EPRS1: variants seen among roughly 807,000 people sequenced by gnomAD.
EPRS1 encodes the protein bifunctional glutamate/proline--tRNA ligase.
Under a neutral mutation model 188.3 loss-of-function variants are expected in EPRS1, and 107 were observed. That is an observed-to-expected ratio of 0.57 (90% CI 0.49 to 0.67). The LOEUF (loss-of-function observed/expected upper bound fraction) is 0.67. EPRS1 is among the 30% of genes least tolerant of loss of function. The pLI is 0.00. For missense variants in EPRS1, 1,577 were observed against 1,802.2 expected (o/e 0.88, Z 2.26); for synonymous variants, 596 against 593.1 (o/e 1.00, Z -0.07).
chr1:220,029,961 C>T (rs948599424), intron 6 of EPRS1, among the ~76,000 whole-genome samples: 1 of 152,136 alleles, frequency 6.6e-6, no homozygotes, highest in Admixed American at 6.6e-5. Context: ...TTTCAGGACT[C>T]CCCTTCACTT....
At position 220,006,216 on chromosome 1, in the gene EPRS1, T is replaced by C. The variant is rs961016872; in HGVS notation, c.1840A>G (p.Thr614Ala). ...ATTACTGGAATAGGAAGAGCATGTGTAGTCTCTGCAAGCCAAGTGACCTTA... is the reference window on the plus strand; with the variant it reads ...ATTACTGGAATAGGAAGAGCATGTGCAGTCTCTGCAAGCCAAGTGACCTTA... The part of the protein sequence containing the change: ...TTKVTWLAET[T>A]HALPIPVICV... The change falls in exon 15 of 32, where the codon ACA becomes GCA. Residue 614 changes from threonine to alanine, a missense_variant. Thr to Ala is a moderately conservative substitution (Grantham distance 58). Around this residue, in one of 3 missense-constraint regions of EPRS1, gnomAD observed 1,278 missense variants for 1,457.4 expected, o/e 0.88. Transcript: ENST00000366923. 3.1e-6 allele frequency: 5 copies of C among 1,606,106 alleles called. No individual in the cohort carries two copies. The African/African-American group carries it at 5.3e-5, about 17-fold the overall frequency.
At position 220,032,518 on chromosome 1, in the gene EPRS1, C is replaced by T. The variant is rs374210879; in HGVS notation, c.397G>A (p.Ala133Thr). 3.1e-6 allele frequency: 5 copies of T among 1,612,672 alleles called. No homozygotes were observed. Among genetic ancestry groups the T allele is most frequent in the African/African-American group, 1.3e-5 (1 of 74,904 alleles). The change falls in exon 5 of 32, where the codon GCC becomes ACC. Residue 133 changes from alanine (A) to threonine (T), a missense_variant. By Grantham distance (58) the Ala-to-Thr change is moderately conservative (BLOSUM62 0). This residue lies in a region of EPRS1 where 1,278 missense variants were observed against 1,457.4 expected (regional missense o/e 0.88). Transcript: ENST00000366923. ...CVWATLKGNA[A>T]WQEQLKQKKA... is the part of the protein sequence containing the mutation. ...TTCTGTTTCAACTGTTCTTGCCAGG[C>T]AGCATTTCCTATGAGCAAAGATAAT...
At chr1:220,028,997 G>A (rs1347695851) in intron 6 of EPRS1, among the ~76,000 whole-genome samples, 1 of 152,042 alleles carries the variant, frequency 6.6e-6, no homozygotes, top group Non-Finnish European at 1.5e-5. Context: ...ATATTATACT[G>A]TAAATATACA....
intron 16 of EPRS1, 110 bp downstream of exon 16, chr1:220,005,138 G>C (rs1661433949): frequency 2.3e-6 from 1 of 431,374 alleles, no homozygotes; most frequent in Non-Finnish European, 4.1e-6. Flanking sequence ...GAGAGACTGA[G>C]AAAGAAAACT....
At chr1:220,038,827 G>A (rs1463678643) in intron 2 of EPRS1, among the ~76,000 whole-genome samples, 1 of 152,112 alleles carries the variant, frequency 6.6e-6, no homozygotes, top group Non-Finnish European at 1.5e-5. Context: ...AGCGGCACAG[G>A]AACAAAGACT....
At chr1:219,984,662 A>G (rs1311843391) in intron 20 of EPRS1, among the ~76,000 whole-genome samples, 2 of 152,090 alleles carry the variant, frequency 1.3e-5, no homozygotes, top group East Asian at 1.9e-4. Context: ...GCCTCATGCA[A>G]TCCTCCTGTT....
rs184079381 is a variant in EPRS1 at position 220,020,770 on chromosome 1, A to C, written c.1116-549T>G. 3.1e-4 allele frequency among the ~76,000 whole-genome samples: 45 copies of C among 147,084 alleles called. No homozygotes were observed. The East Asian group carries it at 8.7e-3, about 29-fold the overall frequency. On this transcript the variant is annotated intron_variant, in intron 9 of 31. Transcript: ENST00000366923. Reference sequence around the variant, plus strand: ...ACATTTAAGATGAAATAGTCTAAAAAACAGTTTCTGACTAAGATAATGTAT... The same window carrying C: ...ACATTTAAGATGAAATAGTCTAAAACACAGTTTCTGACTAAGATAATGTAT...
At chr1:219,982,539 A>G (rs958977419) in intron 23 of EPRS1, 7 of 348,386 alleles carry the variant, frequency 2.0e-5, no homozygotes, top group Non-Finnish European at 2.6e-5. Flanking sequence ...CAGCATAAAA[A>G]TGAGTATTTA....
chr1:219,986,783 A>ATGTATGTG (rs113133677), intron 20 of EPRS1, among the ~76,000 whole-genome samples: 2 of 150,156 alleles, frequency 1.3e-5, no homozygotes, highest in African/African-American at 2.5e-5. Context: ...GAAAATATGT[A>ATGTATGTG]TGTGTGTGTG....
chr1:220,035,143 A>T, intron 2 of EPRS1, 130 bp from the exon 3 acceptor site: 1 of 575,768 alleles, frequency 1.7e-6, no homozygotes, highest in Non-Finnish European at 3.1e-6. Context: ...AGTAAAAAAT[A>T]GATCTGTTAA....
At chr1:220,036,297 AG>A (rs2102598565) in intron 2 of EPRS1, among the ~76,000 whole-genome samples, 1 of 152,334 alleles carries the variant, frequency 6.6e-6, no homozygotes, top group Non-Finnish European at 1.5e-5. Flanking sequence ...AGCTAAAAAC[AG>A]AACTACGATT....
intron 6 of EPRS1, among the ~76,000 whole-genome samples, chr1:220,029,469 A>G (rs1348752981): frequency 2.0e-5 from 3 of 152,220 alleles, no homozygotes; most frequent in African/African-American, 7.2e-5. Context: ...AGAAGTATTA[A>G]ATACATCGCT....
At chr1:219,999,148 G>A (rs886816717) in intron 17 of EPRS1, among the ~76,000 whole-genome samples, 4 of 151,858 alleles carry the variant, frequency 2.6e-5, no homozygotes, top group Non-Finnish European at 5.9e-5. Context: ...TTAAGCCCTG[G>A]ATGAGAATTT....
At chr1:219,975,755 T>C (rs1165022623) in intron 28 of EPRS1, among the ~76,000 whole-genome samples, 2 of 152,262 alleles carry the variant, frequency 1.3e-5, no homozygotes, top group East Asian at 3.9e-4. Flanking sequence ...GGTTTTTTAT[T>C]GGAATTTAAA....
intron 1 of EPRS1, among the ~76,000 whole-genome samples, chr1:220,043,085 G>C (rs1318330280): frequency 1.3e-5 from 2 of 152,088 alleles, no homozygotes; most frequent in Non-Finnish European, 2.9e-5. Context: ...AAGCAAAAAA[G>C]TGACAAAAAG....
intron 24 of EPRS1, 144 bp from the exon 25 acceptor site, chr1:219,981,001 A>C: frequency 1.7e-6 from 1 of 605,812 alleles, no homozygotes; most frequent in South Asian, 2.1e-5. Flanking sequence ...CCAGGCTCAA[A>C]TGATCCTTCT....
At chr1:220,032,872 CTGTG>C (rs148346959) in intron 4 of EPRS1, among the ~76,000 whole-genome samples, 193 of 150,820 alleles carry the variant, frequency 1.3e-3, no homozygotes, top group African/African-American at 4.5e-3. Context: ...AGTTCCACAG[CTGTG>C]TGTGTGTGTG....
chr1:220,017,738 G>A (rs1317704476), intron 12 of EPRS1, among the ~76,000 whole-genome samples: 1 of 151,460 alleles, frequency 6.6e-6, no homozygotes, highest in Non-Finnish European at 1.5e-5. Context: ...TTTCCAATTA[G>A]TAATTAACAA....
intron 11 of EPRS1, among the ~76,000 whole-genome samples, 166 bp downstream of exon 11, chr1:220,018,829 T>TTAA (rs1553253228): frequency 7.3e-6 from 1 of 136,162 alleles, no homozygotes; most frequent in Non-Finnish European, 1.5e-5. Flanking sequence ...TGATAAACTT[T>TTAA]AAAAAAAAAA....
Sources: gnomAD v4.1 joint callset for allele counts (sites outside exome capture counted in the v4.1 genomes callset) on GRCh38, gnomAD v4.1.1 for gene constraint, gnomAD v4.1.1 regional missense constraint, MANE v1.5 for transcripts, NCBI Gene and HGNC (gene_info 2026-07-23, HGNC 2026-07-21) for gene names.